ARHGEF5: variants seen among roughly 807,000 people sequenced by gnomAD.
ARHGEF5 encodes the protein Rho guanine nucleotide exchange factor (GEF) 5.
In ARHGEF5, 11 loss-of-function variants were observed where a neutral mutation model predicts 104.0. The observed-to-expected ratio is 0.11, with a 90% CI of 0.07 to 0.18. The LOEUF (loss-of-function observed/expected upper bound fraction) is 0.18, where lower values mean the gene tolerates loss of function less well. Among genes scored for constraint, ARHGEF5 ranks in the 10% least tolerant of loss-of-function variants. The probability of loss-of-function intolerance (pLI) is 1.00; values close to 1 mark genes in which losing one functional copy is unlikely to be tolerated. For missense variants in ARHGEF5, 165 were observed against 1,335.4 expected (o/e 0.12, Z 13.66); for synonymous variants, 60 against 512.2 (o/e 0.12, Z 11.92).
intron 9 of ARHGEF5, among the ~76,000 whole-genome samples, 178 bp from the exon 10 acceptor site, chr7:144,373,017 G>A (rs1342263187): frequency 7.2e-6 from 1 of 139,682 alleles, no homozygotes; most frequent in Non-Finnish European, 1.6e-5. Flanking sequence ...GTTCAGGAAT[G>A]TTCTGCCAAG....
intron 1 of ARHGEF5, among the ~76,000 whole-genome samples, chr7:144,359,302 G>T (rs1347943398): frequency 3.1e-5 from 4 of 127,956 alleles, no homozygotes; most frequent in African/African-American, 1.1e-4. Flanking sequence ...ATAAGAAAAT[G>T]GATGTTCAAA....
chr7:144,363,288 G>A lies in ARHGEF5; in HGVS notation c.619G>A (p.Gly207Arg), dbSNP rs776373798. ...CTCTGAAAGTGGGACTATCAGGCAG[G>A]GGGAAGAGCTGCCACCTGAGGAGCT... ...EGSESGTIRQ[G>R]EELPPEELQE... The change falls in exon 2 of 15, where the codon GGG becomes AGG. Residue 207 changes from glycine (G) to arginine (R), a missense_variant. Coordinates refer to ENST00000056217, the MANE Select transcript of ARHGEF5 (RefSeq NM_005435.4). 6.3e-7 allele frequency: 1 copy of A among 1,592,924 alleles called. No homozygotes were observed. Among genetic ancestry groups the A allele is most frequent in the Admixed American group, 1.7e-5 (1 of 59,762 alleles).
chr7:144,377,049 T>G, intron 12 of ARHGEF5, 71 bp from the exon 13 acceptor site: 1 of 844,640 alleles, frequency 1.2e-6, no homozygotes, highest in East Asian at 2.8e-5. Flanking sequence ...CACAGTCTTT[T>G]GCCATCCCCA....
chr7:144,379,752 T>C (rs969130135), intron 14 of ARHGEF5, 147 bp from the exon 15 acceptor site: 2 of 1,052,032 alleles, frequency 1.9e-6, no homozygotes, highest in Non-Finnish European at 2.8e-6. Context: ...AGGGCCGCCA[T>C]GTTAGGACAC....
chr7:144,379,566 C>G (rs1048082321), intron 14 of ARHGEF5, among the ~76,000 whole-genome samples: 11 of 152,214 alleles, frequency 7.2e-5, no homozygotes, highest in Admixed American at 2.0e-4. Flanking sequence ...CCACCTTACT[C>G]CAGTATGACA....
At chr7:144,370,468 AGTTT>A (rs1278963366) in intron 5 of ARHGEF5, among the ~76,000 whole-genome samples, 7 of 149,910 alleles carry the variant, frequency 4.7e-5, no homozygotes, top group South Asian at 4.3e-4. Flanking sequence ...TAGTTTAGTT[AGTTT>A]GTTTGTTTGT....
intron 13 of ARHGEF5, 129 bp from the exon 14 acceptor site, chr7:144,378,631 TTG>T: frequency 1.4e-6 from 1 of 701,508 alleles, no homozygotes; most frequent in Non-Finnish European, 2.4e-6. Context: ...ATTTCCTCTT[TTG>T]TCTGTGACTT....
intron 12 of ARHGEF5, 145 bp from the exon 13 acceptor site, chr7:144,376,975 T>C (rs1587073442): frequency 4.5e-6 from 2 of 444,032 alleles, no homozygotes; most frequent in Admixed American, 7.6e-5. Context: ...TTGTGTCATG[T>C]TTCCAACCAA....
At chr7:144,360,445 T>C (rs1458957027) in intron 1 of ARHGEF5, among the ~76,000 whole-genome samples, 1 of 87,358 alleles carries the variant, frequency 1.1e-5, no homozygotes, top group Non-Finnish European at 2.5e-5. Flanking sequence ...AGAATAATGG[T>C]ACCCATCTTA....
chr7:144,361,962 TATC>T (rs2053645499), intron 1 of ARHGEF5, among the ~76,000 whole-genome samples: 1 of 110,262 alleles, frequency 9.1e-6, no homozygotes, highest in Non-Finnish European at 2.0e-5. Context: ...ATAAGGCTGT[TATC>T]ATCCCACTTT....
At chr7:144,374,200 C>T (rs1342972588) in intron 10 of ARHGEF5, among the ~76,000 whole-genome samples, 13 of 82,964 alleles carry the variant, frequency 1.6e-4, no homozygotes, top group African/African-American at 5.3e-4. Flanking sequence ...TATTCACATA[C>T]TAAGCATAGA....
At chr7:144,379,868 G>T in intron 14 of ARHGEF5, 31 bp from the exon 15 acceptor site, 1 of 1,613,536 alleles carries the variant, frequency 6.2e-7, no homozygotes, top group Non-Finnish European at 8.5e-7. Flanking sequence ...CCTTTCCCAG[G>T]TAATTCTTCC....
chr7:144,357,460 G>A (rs1252979037), intron 1 of ARHGEF5, among the ~76,000 whole-genome samples: 2 of 142,198 alleles, frequency 1.4e-5, no homozygotes, highest in African/African-American at 5.1e-5. Context: ...TATCTTTGTA[G>A]TATTGAGGGC....
rs2128858010 is a variant in ARHGEF5, at chr7:144,380,041, G to A, written c.4779G>A (p.Val1593=). ...HRVKTAKLQL[V]EQQA The stretch of plus-strand genomic sequence containing the variant: ...TCAAGACTGCCAAACTACAGCTGGT[G>A]GAACAGCAAGCCTAAGTCTTCTCTG... The change falls in exon 15 of 15, where the codon GTG becomes GTA. Residue 1593 remains valine (V), a synonymous_variant. Transcript: ENST00000056217. The A allele has an allele frequency of 1.2e-6, 2 of 1,614,188 alleles. No individual in the cohort carries two copies. The highest frequency in any genetic ancestry group is 1.7e-6 in the Non-Finnish European group (2 of 1,180,036).
At chr7:144,357,953 C>T (rs1309811971) in intron 1 of ARHGEF5, among the ~76,000 whole-genome samples, 155 of 124,038 alleles carry the variant, frequency 1.2e-3, no homozygotes, top group African/African-American at 4.9e-3. Context: ...GATGTTTGCA[C>T]TCTAACGTAA....
At chr7:144,357,712 A>G (rs1189879514) in intron 1 of ARHGEF5, among the ~76,000 whole-genome samples, 1 of 151,736 alleles carries the variant, frequency 6.6e-6, no homozygotes, top group Non-Finnish European at 1.5e-5. Flanking sequence ...GAAATAGACA[A>G]GAGCTAAGGT....
At chr7:144,357,387 T>C (rs1258837578) in intron 1 of ARHGEF5, among the ~76,000 whole-genome samples, 2 of 135,224 alleles carry the variant, frequency 1.5e-5, no homozygotes, top group South Asian at 2.6e-4. Context: ...GGTGGGACTT[T>C]CCTGCAATGG....
rs2128858086 is a variant in ARHGEF5 at position 144,380,462 on chromosome 7, G to GTTAA, written c.*407_*410dup. 1 of 171,566 alleles carries GTTAA rather than the reference G, an allele frequency of 5.8e-6. No individual in the cohort carries two copies. The highest frequency in any genetic ancestry group is 1.4e-4 in the East Asian group (1 of 6,938). 10.6% of individuals were successfully genotyped at this position (171,566 alleles called of 1,614,324 possible). ...TCCTGGAGGGAGATGTTTAAGAGGG[G>GTTAA]TTAACACATCAGATGGGAGGGTCAG... On this transcript the variant is annotated 3_prime_UTR_variant, in exon 15 of 15. Transcript: ENST00000056217.
At position 144,363,203 on chromosome 7, in the gene ARHGEF5, T is replaced by C. The variant is rs2053656590; in HGVS notation, c.534T>C (p.Gly178=). ...EEEETSSDNS[G]QTRYYSPCEE... is the part of the protein sequence containing the mutation. ...AGGAAACCTCTTCAGATAACTCTGG[T>C]CAGACCAGATATTATTCTCCCTGCG... is the stretch of plus-strand genomic sequence containing the variant. Residue 178 remains glycine, a synonymous_variant, in exon 2 of 15, where the codon GGT becomes GGC. Coordinates refer to ENST00000056217, the MANE Select transcript of ARHGEF5 (RefSeq NM_005435.4). 1 of 1,589,442 alleles carries C rather than the reference T, an allele frequency of 6.3e-7. No individual in the cohort carries two copies.
Sources: gnomAD v4.1 joint callset for allele counts (sites outside exome capture counted in the v4.1 genomes callset) on GRCh38, gnomAD v4.1.1 for gene constraint, MANE v1.5 for transcripts, NCBI Gene and HGNC (gene_info 2026-07-23, HGNC 2026-07-21) for gene names.